Variants in RABL2B observed in about 807,000 individuals in gnomAD.
The protein encoded by RABL2B is rab-like protein 2B.
A neutral mutation model predicts 26.7 loss-of-function variants in RABL2B; 17 were observed. That is an observed-to-expected ratio of 0.64 (90% CI 0.44 to 0.95). RABL2B has a LOEUF of 0.95. RABL2B is among the 40% of genes least tolerant of loss of function. RABL2B has a pLI of 0.00. For missense variants in RABL2B, 170 were observed against 277.2 expected, an observed-to-expected ratio of 0.61 and a Z score of 2.75; for synonymous variants, 70 against 103.9, an observed-to-expected ratio of 0.67 and a Z score of 1.99.
intron 5 of RABL2B, among the ~76,000 whole-genome samples, chr22:50,775,402 G>A (rs1334478909): frequency 6.6e-6 from 1 of 152,130 alleles, no homozygotes; most frequent in African/African-American, 2.4e-5. Flanking sequence ...CCCAGCGTGC[G>A]CCCCCTAGGG....
intron 1 of RABL2B, 101 bp from the exon 2 acceptor site, chr22:50,782,448 T>A: frequency 1.3e-6 from 2 of 1,498,976 alleles, no homozygotes; most frequent in Non-Finnish European, 1.8e-6. Flanking sequence ...AGTGCCAGAC[T>A]GAGATATGGT....
At chr22:50,774,410 T>G (rs1314060205) in intron 5 of RABL2B, among the ~76,000 whole-genome samples, 1 of 150,940 alleles carries the variant, frequency 6.6e-6, no homozygotes, top group African/African-American at 2.5e-5. Flanking sequence ...CTTGGGATCT[T>G]GGCTGATACT....
At chr22:50,774,726 A>G (rs2084706450) in intron 5 of RABL2B, among the ~76,000 whole-genome samples, 1 of 151,338 alleles carries the variant, frequency 6.6e-6, no homozygotes, top group South Asian at 2.1e-4. Flanking sequence ...AGGGTTAATA[A>G]TTCAGAAGAC....
In RABL2B at chr22:50,777,918, A is replaced by T. The variant is rs781845831; in HGVS notation, c.137+34T>A. 1.9e-6 allele frequency: 3 copies of T among 1,614,182 alleles called. No homozygotes were observed. In the South Asian group the frequency reaches 3.3e-5, roughly 18 times the overall value. ...GATACATGAGCGTGGGAAGACCCAC[A>T]GGAACAAGGGGTACTTCAAACCTTG... is the stretch of plus-strand genomic sequence containing the variant. On this transcript the variant is annotated intron_variant, in intron 3 of 8. Transcript: ENST00000691320.
chr22:50,780,217 C>G (rs1156744964), intron 2 of RABL2B, among the ~76,000 whole-genome samples: 1 of 148,054 alleles, frequency 6.8e-6, no homozygotes, highest in African/African-American at 2.5e-5. Flanking sequence ...AATCAAGAAG[C>G]ATGAACATGC....
Position 50,769,547 on chromosome 22 carries a change from T to C in RABL2B, c.415A>G (p.Ile139Val). Reference protein sequence around the residue: ...IVVANKIDADINVTQKSFNFA... With the variant: ...IVVANKIDADVNVTQKSFNFA... ...TTGAAGCTTTTTTGGGTCACGTTTA[T>C]GTCTGCTGTAGAGAGAAGGTAGGAC... Residue 139 changes from isoleucine (I) to valine (V), a missense_variant, in exon 7 of 9, where the codon ATA becomes GTA. Ile to Val is a conservative substitution (Grantham distance 29). Transcript: ENST00000691320. The C allele has an allele frequency of 6.2e-7, 1 of 1,611,668 alleles. No individual in the cohort carries two copies. Among genetic ancestry groups the C allele is most frequent in the East Asian group, 2.2e-5 (1 of 44,830 alleles).
Position 50,769,576 on chromosome 22 carries a change from G to T in RABL2B, c.410-24C>A. On this transcript the variant is annotated intron_variant, in intron 6 of 8. Coordinates refer to ENST00000691320, the MANE Select transcript of RABL2B (RefSeq NM_001130919.3). ...TGCTGTAGAGAGAAGGTAGGACATT[G>T]GTCTGTCTGTCAAGGGAAGGGAAGA... 6.2e-6 allele frequency: 10 copies of T among 1,609,148 alleles called. No homozygotes were observed. In the African/African-American group the frequency reaches 7.0e-5, roughly 11 times the overall value.
At chr22:50,773,271 A>T (rs1603449725) in intron 5 of RABL2B, among the ~76,000 whole-genome samples, 1 of 152,210 alleles carries the variant, frequency 6.6e-6, no homozygotes, top group Non-Finnish European at 1.5e-5. Context: ...GTGCCTTAAC[A>T]GTTATCAGAG....
chr22:50,779,355 C>T (rs1192700691), intron 2 of RABL2B, among the ~76,000 whole-genome samples: 7 of 148,020 alleles, frequency 4.7e-5, no homozygotes, highest in African/African-American at 1.8e-4. Context: ...GTCACATACG[C>T]AGATGTTCCC....
intron 2 of RABL2B, among the ~76,000 whole-genome samples, chr22:50,778,541 T>G (rs1433115011): frequency 6.6e-6 from 1 of 152,176 alleles, no homozygotes; most frequent in Non-Finnish European, 1.5e-5. Context: ...ATTCTGAATG[T>G]GGTCAGTTAT....
At position 50,767,804 on chromosome 22, in the gene RABL2B, A is replaced by C; in HGVS notation, c.*972T>G. On this transcript the variant is annotated 3_prime_UTR_variant, in exon 9 of 9. Coordinates refer to ENST00000691320, the MANE Select transcript of RABL2B (RefSeq NM_001130919.3). ...GGACGTACCTTGTGGTATGGCTGTAAGGACTCGATTTTACGGCTTGTGTAT... is the reference window on the plus strand; with the variant it reads ...GGACGTACCTTGTGGTATGGCTGTACGGACTCGATTTTACGGCTTGTGTAT... 2.2e-6 allele frequency: 1 copy of C among 450,302 alleles called. No homozygotes were observed. Among genetic ancestry groups the C allele is most frequent in the Admixed American group, 2.4e-5 (1 of 41,104 alleles). The allele number at this position is 450,302 out of a possible 1,614,324, so 27.9% of individuals were successfully genotyped here. A position where few individuals can be genotyped will look rare whatever the true frequency, so the allele number is the denominator to read the frequency against.
intron 2 of RABL2B, among the ~76,000 whole-genome samples, chr22:50,781,315 G>A (rs1490801877): frequency 6.8e-6 from 1 of 147,096 alleles, no homozygotes; most frequent in African/African-American, 2.5e-5. Context: ...CTGCACTCCA[G>A]CCTGGGGGAC....
intron 5 of RABL2B, among the ~76,000 whole-genome samples, chr22:50,770,909 ATTTTTTTT>A (rs781799008): frequency 0.013 from 1,643 of 124,236 alleles, 25 homozygotes; most frequent in Non-Finnish European, 0.02. Flanking sequence ...TTATTTTTTT[ATTTTTTTT>A]TTTTTGTAGA....
intron 1 of RABL2B, chr22:50,783,028 C>T (rs1177185610): frequency 6.7e-6 from 1 of 149,696 alleles, no homozygotes; most frequent in Non-Finnish European, 1.5e-5. Context: ...GAGGGGTCTG[C>T]CCCCTTTCAC....
rs2083908228 is a variant in RABL2B, at chr22:50,770,043, G to A, written c.298-27C>T. ...TGCAAAGGGCAGAGGAAGAAAGATA[G>A]CTCAGGTATGTCAATGTTTCTGCAC... is the stretch of plus-strand genomic sequence containing the variant. On this transcript the variant is annotated intron_variant, in intron 5 of 8. Transcript: ENST00000691320. 6.2e-6 allele frequency: 10 copies of A among 1,613,758 alleles called. No homozygotes were observed. In the East Asian group the frequency reaches 2.2e-4, roughly 36 times the overall value.
chr22:50,773,349 T>C (rs1484602030), intron 5 of RABL2B, among the ~76,000 whole-genome samples: 3 of 152,172 alleles, frequency 2.0e-5, no homozygotes, highest in Non-Finnish European at 2.9e-5. Context: ...AGGTGATGAG[T>C]TCCTTCCTTT....
chr22:50,772,625 C>T lies in RABL2B; in HGVS notation c.298-2609G>A, dbSNP rs1231010683. The T allele has an allele frequency of 1.8e-5, 18 of 1,016,896 alleles. No individual in the cohort carries two copies. In the Admixed American group the frequency reaches 4.1e-4, roughly 23 times the overall value. The allele number at this position is 1,016,896 out of a possible 1,614,324, so 63.0% of individuals were successfully genotyped here. A position where few individuals can be genotyped will look rare whatever the true frequency, so the allele number is the denominator to read the frequency against. ...GCTAGGGGCTCGCCCTGTGTGGTGG[C>T]GGGAGGGTCAGCAACTGTCACATCT... is the stretch of plus-strand genomic sequence containing the variant. On this transcript the variant is annotated intron_variant, in intron 5 of 8. Coordinates refer to ENST00000691320, the MANE Select transcript of RABL2B (RefSeq NM_001130919.3).
In RABL2B at chr22:50,781,593, T is replaced by C. The variant is rs186417796; in HGVS notation, c.107+595A>G. Reference sequence around the variant, plus strand: ...CCACTTCTCTGGGCAGGGGCAAGTGTACCGTCATGCTATGAAGGCAGAAAT... The same window carrying C: ...CCACTTCTCTGGGCAGGGGCAAGTGCACCGTCATGCTATGAAGGCAGAAAT... On this transcript the variant is annotated intron_variant, in intron 2 of 8. Coordinates refer to ENST00000691320, the MANE Select transcript of RABL2B (RefSeq NM_001130919.3). 4.0e-3 allele frequency among the ~76,000 whole-genome samples: 610 copies of C among 152,228 alleles called. 3 individuals carry two copies. Among genetic ancestry groups the C allele is most frequent in the African/African-American group, 0.014 (594 of 41,532 alleles).
intron 2 of RABL2B, among the ~76,000 whole-genome samples, chr22:50,779,650 A>G (rs1555927032): frequency 6.6e-6 from 1 of 151,990 alleles, no homozygotes; most frequent in African/African-American, 2.4e-5. Context: ...AAAAGACAAC[A>G]CATCTGGACC....
Sources: allele counts gnomAD v4.1 joint callset (sites outside exome capture counted in the v4.1 genomes callset), GRCh38; gene constraint gnomAD v4.1.1; transcripts MANE v1.5; gene names NCBI Gene and HGNC (gene_info 2026-07-23, HGNC 2026-07-21).